Variants in PRKCI observed in about 807,000 individuals in gnomAD.
PRKCI encodes the protein protein kinase C iota type.
PRKCI carries 43 observed loss-of-function variants against 84.0 expected under a neutral mutation model. The observed-to-expected ratio is 0.51, with a 90% CI of 0.40 to 0.66. The LOEUF is 0.66. Ranked by LOEUF, PRKCI falls within the 30% of genes least tolerant of loss-of-function variation. The pLI is 0.00. For synonymous variants in PRKCI, 216 were observed against 234.4 expected, an observed-to-expected ratio of 0.92 and a Z score of 0.72; for missense variants, 459 against 745.6, an observed-to-expected ratio of 0.62 and a Z score of 4.48.
chr3:170,253,136 G>A (rs1247102787), intron 2 of PRKCI, among the ~76,000 whole-genome samples: 1 of 152,158 alleles, frequency 6.6e-6, no homozygotes, highest in Non-Finnish European at 1.5e-5. Flanking sequence ...TGTGAATAGT[G>A]CTGCAATAAA....
chr3:170,275,880 T>A (rs903832964), intron 8 of PRKCI, among the ~76,000 whole-genome samples: 1 of 152,070 alleles, frequency 6.6e-6, no homozygotes, highest in African/African-American at 2.4e-5. Flanking sequence ...TTTTTGTGTA[T>A]TTCTGGACAT....
chr3:170,267,232 T>C lies in PRKCI; in HGVS notation c.365-683T>C, dbSNP rs866184099. On this transcript the variant is annotated intron_variant, in intron 4 of 17. Coordinates refer to ENST00000295797, the MANE Select transcript of PRKCI (RefSeq NM_002740.6). Reference sequence around the variant, plus strand: ...TCCAAGTAATTCAGAAAAAAAAAAGTATTTTTTTTGTAGTGATGAAAGTAA... The same window carrying C: ...TCCAAGTAATTCAGAAAAAAAAAAGCATTTTTTTTGTAGTGATGAAAGTAA... 6.6e-5 allele frequency among the ~76,000 whole-genome samples: 10 copies of C among 152,022 alleles called. No individual in the cohort carries two copies. In the South Asian group the frequency reaches 2.1e-3, roughly 32 times the overall value.
chr3:170,274,994 T>A (rs772199180), intron 7 of PRKCI, among the ~76,000 whole-genome samples: 1 of 152,184 alleles, frequency 6.6e-6, no homozygotes, highest in East Asian at 1.9e-4. Flanking sequence ...GCTACCAGGT[T>A]GTGATGCTTG....
At chr3:170,253,475 G>A (rs1019938506) in intron 2 of PRKCI, among the ~76,000 whole-genome samples, 6 of 152,126 alleles carry the variant, frequency 3.9e-5, no homozygotes, top group Admixed American at 1.3e-4. Context: ...CCTGTTTGCC[G>A]TTTGTATGTC....
chr3:170,234,531 C>G (rs529652715), intron 1 of PRKCI, among the ~76,000 whole-genome samples: 1 of 151,984 alleles, frequency 6.6e-6, no homozygotes, highest in South Asian at 2.1e-4. Flanking sequence ...TAATTTTTTC[C>G]CTCTTATTCA....
chr3:170,256,439 C>T (rs1733584403), intron 2 of PRKCI, among the ~76,000 whole-genome samples: 1 of 152,042 alleles, frequency 6.6e-6, no homozygotes, highest in African/African-American at 2.4e-5. Flanking sequence ...TTCTTCTAGG[C>T]TTTCTGATTT....
chr3:170,234,090 A>G (rs548877037), intron 1 of PRKCI, among the ~76,000 whole-genome samples: 10 of 125,228 alleles, frequency 8.0e-5, no homozygotes, highest in Admixed American at 2.0e-4. Context: ...CTGGAGTGCA[A>G]TGGTGTGATT....
At chr3:170,289,919 A>T (rs1348051744) in intron 12 of PRKCI, among the ~76,000 whole-genome samples, 1 of 151,706 alleles carries the variant, frequency 6.6e-6, no homozygotes, top group Non-Finnish European at 1.5e-5. Flanking sequence ...TTAAAAGAAG[A>T]AAAAAAAGCC....
intron 5 of PRKCI, 96 bp downstream of exon 5, chr3:170,268,096 C>A: frequency 1.0e-6 from 1 of 1,001,062 alleles, no homozygotes; most frequent in Non-Finnish European, 1.5e-6. Flanking sequence ...TCTTGTTATA[C>A]ACTTTTAAAT....
At chr3:170,254,090 C>T (rs1227986641) in intron 2 of PRKCI, among the ~76,000 whole-genome samples, 1 of 139,396 alleles carries the variant, frequency 7.2e-6, no homozygotes, top group African/African-American at 2.8e-5. Flanking sequence ...GAGCAAGATC[C>T]GTTTCCAAAA....
intron 11 of PRKCI, among the ~76,000 whole-genome samples, chr3:170,283,341 T>C (rs565584499): frequency 6.6e-6 from 1 of 152,308 alleles, no homozygotes; most frequent in South Asian, 2.1e-4. Flanking sequence ...TGAGTTTGTA[T>C]ATGTATGTTA....
chr3:170,295,838 C>T (rs2108866917), intron 14 of PRKCI, 73 bp from the exon 15 acceptor site: 3 of 923,050 alleles, frequency 3.3e-6, no homozygotes, highest in East Asian at 5.7e-5. Context: ...GAACAAGCCC[C>T]TTTCAAAAAA....
intron 2 of PRKCI, 143 bp from the exon 3 acceptor site, chr3:170,259,826 G>T (rs1043648105): frequency 1.2e-5 from 5 of 413,324 alleles, no homozygotes; most frequent in Non-Finnish European, 2.1e-5. Context: ...ATAATAATAA[G>T]TAAATAAATA....
At chr3:170,236,831 C>T (rs1206061766) in intron 2 of PRKCI, among the ~76,000 whole-genome samples, 3 of 133,014 alleles carry the variant, frequency 2.3e-5, no homozygotes, top group South Asian at 4.6e-4. Context: ...CACTGCACTC[C>T]AGCAACAAAG....
chr3:170,257,375 T>C (rs1733609506), intron 2 of PRKCI, among the ~76,000 whole-genome samples: 1 of 152,184 alleles, frequency 6.6e-6, no homozygotes. Flanking sequence ...ACCGCAGTTT[T>C]GGTGGAGTGT....
chr3:170,296,438 C>T (rs752463844), intron 15 of PRKCI, among the ~76,000 whole-genome samples: 5 of 152,220 alleles, frequency 3.3e-5, no homozygotes, highest in South Asian at 2.1e-4. Context: ...AGGTAAGATT[C>T]GGAAGAAATG....
At chr3:170,233,053 A>G (rs1433982226) in intron 1 of PRKCI, among the ~76,000 whole-genome samples, 2 of 151,802 alleles carry the variant, frequency 1.3e-5, no homozygotes, top group African/African-American at 4.8e-5. Context: ...AGATTATATG[A>G]ATACTCTAGT....
Position 170,303,248 on chromosome 3 carries a change from C to T in PRKCI, c.*121C>T, listed in dbSNP as rs955074863. ...CCACCTACAAAAAAACACCCAATATCTTCTCTTGTAGACTATATGAATCAA... is the reference window on the plus strand; with the variant it reads ...CCACCTACAAAAAAACACCCAATATTTTCTCTTGTAGACTATATGAATCAA... On this transcript the variant is annotated 3_prime_UTR_variant, in exon 18 of 18. Transcript: ENST00000295797. 1.4e-5 allele frequency: 9 copies of T among 624,860 alleles called. No individual in the cohort carries two copies. Among genetic ancestry groups the T allele is most frequent in the Non-Finnish European group, 2.4e-5 (9 of 371,450 alleles). The allele number at this position is 624,860 out of a possible 1,614,324, so 38.7% of individuals were successfully genotyped here. A position where few individuals can be genotyped will look rare whatever the true frequency, so the allele number is the denominator to read the frequency against.
At chr3:170,278,395 C>T (rs1368180629) in intron 8 of PRKCI, among the ~76,000 whole-genome samples, 2 of 152,152 alleles carry the variant, frequency 1.3e-5, no homozygotes, top group Non-Finnish European at 2.9e-5. Context: ...TGTGGCAGCT[C>T]ACACCTATAA....
Sources: gnomAD v4.1 joint callset for allele counts (sites outside exome capture counted in the v4.1 genomes callset) on GRCh38, gnomAD v4.1.1 for gene constraint, MANE v1.5 for transcripts, NCBI Gene and HGNC (gene_info 2026-07-23, HGNC 2026-07-21) for gene names.